SERPIND1: variants seen among roughly 807,000 people sequenced by gnomAD.
The protein encoded by SERPIND1 is serpin family D member 1, also known as heparin cofactor 2.
Under a neutral mutation model 35.0 loss-of-function variants are expected in SERPIND1, and 34 were observed. The ratio of observed to expected loss-of-function variants is 0.97; its 90% CI spans 0.74 to 1.29. SERPIND1 has a LOEUF of 1.29. SERPIND1 is among the 50% of genes most tolerant of loss of function. The pLI is 0.00. For missense variants in SERPIND1, 633 were observed against 637.7 expected (o/e 0.99, Z 0.08); for synonymous variants, 236 against 241.1 (o/e 0.98, Z 0.19).
Position 20,780,105 on chromosome 22 carries a change from C to A in SERPIND1, c.793C>A (p.His265Asn). The A allele has an allele frequency of 1.2e-6, 2 of 1,614,150 alleles. No homozygotes were observed. The highest frequency in any genetic ancestry group is 8.5e-7 in the Non-Finnish European group (1 of 1,180,030). Residue 265 changes from histidine (H) to asparagine (N), a missense_variant, in exon 2 of 5, where the codon CAC becomes AAC. His to Asn is a moderately conservative substitution (Grantham distance 68). Transcript: ENST00000215727. ...DPAFISKTNN[H>N]IMKLTKGLIK... ...TGCCTTCATATCAAAAACCAACAAC[C>A]ACATCATGAAGCTCACCAAGGGCCT...
rs1484418926 is a variant in SERPIND1 at position 20,787,105 on chromosome 22, C to T, written c.*39C>T. On this transcript the variant is annotated 3_prime_UTR_variant, in exon 5 of 5. Transcript: ENST00000215727. ...GGTGTCTGAAGTGCCTTGGGGGCAC[C>T]CTCATTTTGTTTCCATTCCAACAAC... 1.3e-6 allele frequency: 2 copies of T among 1,558,750 alleles called. No individual in the cohort carries two copies. The highest frequency in any genetic ancestry group is 8.8e-7 in the Non-Finnish European group (1 of 1,130,348).
chr22:20,776,689 CTTGGTT>C (rs1185248750), intron 1 of SERPIND1, among the ~76,000 whole-genome samples: 2 of 152,164 alleles, frequency 1.3e-5, no homozygotes, highest in African/African-American at 4.8e-5. Flanking sequence ...GCTTAACCAA[CTTGGTT>C]CGAATCTAGC....
intron 1 of SERPIND1, among the ~76,000 whole-genome samples, chr22:20,777,121 C>A (rs956201969): frequency 6.6e-6 from 1 of 151,944 alleles, no homozygotes; most frequent in African/African-American, 2.4e-5. Flanking sequence ...GGCGTGATCA[C>A]GGCTCACTGC....
At position 20,786,799 on chromosome 22, in the gene SERPIND1, G is replaced by C. The variant is rs1359970316; in HGVS notation, c.1309-76G>C. ...TTGTCTTTGGATCCTTTCCCTGAAT[G>C]ATATGAGATTGTGCTGGGAACTCTA... On this transcript the variant is annotated intron_variant, in intron 4 of 4. Coordinates refer to ENST00000215727, the MANE Select transcript of SERPIND1 (RefSeq NM_000185.4). 2.9e-6 allele frequency: 4 copies of C among 1,384,434 alleles called. No individual in the cohort carries two copies. The African/African-American group carries it at 4.3e-5, about 15-fold the overall frequency. The allele number at this position is 1,384,434 out of a possible 1,614,324, so 85.8% of individuals were successfully genotyped here. A position where few individuals can be genotyped will look rare whatever the true frequency, so the allele number is the denominator to read the frequency against.
At position 20,779,431 on chromosome 22, in the gene SERPIND1, C is replaced by G; in HGVS notation, c.119C>G (p.Pro40Arg). The change falls in exon 2 of 5, where the codon CCC becomes CGC. Residue 40 changes from proline to arginine, a missense_variant. Transcript: ENST00000215727. ...KGGETAQSADPQWEQLNNKNL... is the reference protein window; with the variant it reads ...KGGETAQSADRQWEQLNNKNL... ...GGGGAAACTGCTCAGTCTGCAGATC[C>G]CCAGTGGGAGCAGTTAAATAACAAA... The G allele has an allele frequency of 6.2e-7, 1 of 1,614,194 alleles. No homozygotes were observed. The highest frequency in any genetic ancestry group is 1.3e-5 in the African/African-American group (1 of 75,052).
At chr22:20,780,908 T>C (rs975163155) in intron 2 of SERPIND1, among the ~76,000 whole-genome samples, 9 of 152,184 alleles carry the variant, frequency 5.9e-5, no homozygotes, top group African/African-American at 1.9e-4. Context: ...AAAACTGTTT[T>C]AGCATTTGGC....
chr22:20,787,379 T>C lies in SERPIND1; in HGVS notation c.*313T>C, dbSNP rs1323742305. The C allele has an allele frequency of 2.5e-6, 1 of 401,154 alleles. No individual in the cohort carries two copies. The highest frequency in any genetic ancestry group is 2.1e-5 in the African/African-American group (1 of 48,608). The allele number at this position is 401,154 out of a possible 1,614,324, so 24.8% of individuals were successfully genotyped here. A position where few individuals can be genotyped will look rare whatever the true frequency, so the allele number is the denominator to read the frequency against. ...GCGTCCTAAGCACCTCCCGCTCCGG[T>C]GACCCCATCCTTGCACACCTGACTC... On this transcript the variant is annotated 3_prime_UTR_variant, in exon 5 of 5. Transcript: ENST00000215727.
chr22:20,783,091 T>C (rs1448563007), intron 2 of SERPIND1, among the ~76,000 whole-genome samples: 2 of 152,238 alleles, frequency 1.3e-5, no homozygotes, highest in African/African-American at 4.8e-5. Flanking sequence ...GGAAAGGTGC[T>C]GAGAAGAATG....
intron 2 of SERPIND1, among the ~76,000 whole-genome samples, chr22:20,780,867 A>T (rs1247008876): frequency 1.3e-5 from 2 of 152,074 alleles, no homozygotes; most frequent in Non-Finnish European, 1.5e-5. Flanking sequence ...GGCCAACCCT[A>T]GCAATCTGTT....
rs750892575 is a variant in SERPIND1 at position 20,779,361 on chromosome 22, G to C, written c.49G>C (p.Ala17Pro). 2.5e-6 allele frequency: 4 copies of C among 1,614,096 alleles called. No homozygotes were observed. The highest frequency in any genetic ancestry group is 2.2e-5 in the South Asian group (2 of 91,084). Residue 17 changes from alanine (A) to proline (P), a missense_variant, in exon 2 of 5, where the codon GCG becomes CCG. Transcript: ENST00000215727. ...ALLIFLIITS[A>P]WGGSKGPLDQ... Reference sequence around the variant, plus strand: ...TCTCATTTTCCTCATCATAACATCTGCGTGGGGTGGGAGCAAAGGCCCGCT... The same window carrying C: ...TCTCATTTTCCTCATCATAACATCTCCGTGGGGTGGGAGCAAAGGCCCGCT...
chr22:20,778,646 T>C (rs1196414672), intron 1 of SERPIND1, among the ~76,000 whole-genome samples: 1 of 152,152 alleles, frequency 6.6e-6, no homozygotes, highest in Non-Finnish European at 1.5e-5. Flanking sequence ...TTCAACAGCA[T>C]CTCCATTGCA....
intron 1 of SERPIND1, among the ~76,000 whole-genome samples, chr22:20,778,601 A>G (rs1018725187): frequency 2.2e-4 from 34 of 152,202 alleles, no homozygotes; most frequent in African/African-American, 8.0e-4. Flanking sequence ...GTATCTTTAG[A>G]ATATGTTTTC....
Position 20,784,144 on chromosome 22 carries a change from C to A in SERPIND1, c.1062C>A (p.Ser354Arg), listed in dbSNP as rs758586880. Reference protein sequence around the residue: ...ILQLEYVGGISMLIVVPHKMS... With the variant: ...ILQLEYVGGIRMLIVVPHKMS... Reference sequence around the variant, plus strand: ...AGCTGGAATACGTGGGGGGCATCAGCATGCTAATTGTGGTCCCACACAAGA... The same window carrying A: ...AGCTGGAATACGTGGGGGGCATCAGAATGCTAATTGTGGTCCCACACAAGA... The change falls in exon 3 of 5, where the codon AGC (serine) becomes AGA (arginine). Residue 354 changes from serine to arginine, a missense_variant. Transcript: ENST00000215727. 13 of 1,614,178 alleles carry A rather than the reference C, an allele frequency of 8.1e-6. No individual in the cohort carries two copies. The Admixed American group carries it at 2.2e-4, about 27-fold the overall frequency.
chr22:20,786,754 T>G, intron 4 of SERPIND1, 121 bp from the exon 5 acceptor site: 1 of 1,017,372 alleles, frequency 9.8e-7, no homozygotes, highest in Non-Finnish European at 1.5e-6. Context: ...TCTGACCAGC[T>G]GTGATTTCCA....
chr22:20,777,903 T>A (rs1642353157), intron 1 of SERPIND1, among the ~76,000 whole-genome samples: 1 of 152,210 alleles, frequency 6.6e-6, no homozygotes, highest in Admixed American at 6.5e-5. Context: ...ATTGCCATAA[T>A]GCCTCTGTGC....
intron 3 of SERPIND1, among the ~76,000 whole-genome samples, chr22:20,785,613 T>C (rs1934155160): frequency 6.6e-6 from 1 of 152,222 alleles, no homozygotes; most frequent in Non-Finnish European, 1.5e-5. Context: ...AGGTTCTTTT[T>C]AAAAGTACAC....
Position 20,779,713 on chromosome 22 carries a change from C to T in SERPIND1, c.401C>T (p.Ala134Val), listed in dbSNP as rs1406174927. The change falls in exon 2 of 5, where the codon GCT becomes GTT. Residue 134 changes from alanine (A) to valine (V), a missense_variant. Ala to Val is a moderately conservative substitution (Grantham distance 64). Transcript: ENST00000215727. ...QRLNILNAKFAFNLYRVLKDQ... is the reference protein window; with the variant it reads ...QRLNILNAKFVFNLYRVLKDQ... ...CTTAACATCCTCAACGCCAAGTTCG[C>T]TTTCAACCTCTACCGAGTGCTGAAA... The T allele has an allele frequency of 6.2e-7, 1 of 1,614,142 alleles. No individual in the cohort carries two copies. Among genetic ancestry groups the T allele is most frequent in the African/African-American group, 1.3e-5 (1 of 74,950 alleles).
In SERPIND1 at chr22:20,779,612, A is replaced by G. The variant is rs1046617828; in HGVS notation, c.300A>G (p.Ser100=). ...ACATCGACATCGTCGACAGTCTGTCAGTTTCCCCGACAGACTCTGATGTGA... is the reference window on the plus strand; with the variant it reads ...ACATCGACATCGTCGACAGTCTGTCGGTTTCCCCGACAGACTCTGATGTGA... ...DDYIDIVDSL[S]VSPTDSDVSA... is the part of the protein sequence containing the mutation. The change falls in exon 2 of 5, where the codon TCA becomes TCG. Residue 100 remains serine (S), a synonymous_variant. Transcript: ENST00000215727. The G allele has an allele frequency of 6.2e-7, 1 of 1,614,104 alleles. No homozygotes were observed. The highest frequency in any genetic ancestry group is 1.3e-5 in the African/African-American group (1 of 74,944).
At chr22:20,783,126 T>G (rs541575230) in intron 2 of SERPIND1, among the ~76,000 whole-genome samples, 1 of 152,364 alleles carries the variant, frequency 6.6e-6, no homozygotes, top group East Asian at 1.9e-4. Flanking sequence ...AGTTCTCAAC[T>G]ACTAGTCACC....
Sources: allele counts gnomAD v4.1 joint callset (sites outside exome capture counted in the v4.1 genomes callset), GRCh38; gene constraint gnomAD v4.1.1; transcripts MANE v1.5; gene names NCBI Gene and HGNC (gene_info 2026-07-23, HGNC 2026-07-21).